Variants in ERBB3 observed in about 807,000 individuals in gnomAD.
ERBB3 encodes the protein erb-b2 receptor tyrosine kinase 3.
Under a neutral mutation model 156.7 loss-of-function variants are expected in ERBB3, and 96 were observed. That is an observed-to-expected ratio of 0.61 (90% CI 0.52 to 0.73). The LOEUF is 0.73. ERBB3 is among the 30% of genes least tolerant of loss of function. The pLI, the probability that ERBB3 is intolerant of heterozygous loss-of-function variation, is 0.00. For missense variants in ERBB3, 1,406 were observed against 1,709.4 expected, an observed-to-expected ratio of 0.82 and a Z score of 3.13; for synonymous variants, 567 against 632.0, an observed-to-expected ratio of 0.90 and a Z score of 1.54.
chr12:56,084,358 C>A (rs796751254), intron 2 of ERBB3, among the ~76,000 whole-genome samples: 15 of 152,294 alleles, frequency 9.8e-5, no homozygotes, highest in African/African-American at 3.4e-4. Context: ...TGCCTGTAAT[C>A]CCAGCACTTT....
At chr12:56,097,593 A>G (rs1175299351) in intron 20 of ERBB3, among the ~76,000 whole-genome samples, 192 bp from the exon 21 acceptor site, 2 of 152,102 alleles carry the variant, frequency 1.3e-5, no homozygotes, top group Admixed American at 6.5e-5. Flanking sequence ...TGATGATCTG[A>G]GGTGGAAAAA....
chr12:56,090,263 G>T (rs1018846212), intron 9 of ERBB3, among the ~76,000 whole-genome samples: 1 of 151,732 alleles, frequency 6.6e-6, no homozygotes, highest in African/African-American at 2.4e-5. Flanking sequence ...GCTTCCCAAA[G>T]TGTTGGGATT....
chr12:56,100,531 A>G (rs1869054208), intron 26 of ERBB3, among the ~76,000 whole-genome samples: 1 of 151,632 alleles, frequency 6.6e-6, no homozygotes, highest in Non-Finnish European at 1.5e-5. Flanking sequence ...AATCACAGCT[A>G]CTCAGGAGGC....
chr12:56,086,555 T>C lies in ERBB3; in HGVS notation c.446T>C (p.Ile149Thr), dbSNP rs748544096. 18 of 1,613,976 alleles carry C rather than the reference T, an allele frequency of 1.1e-5. No individual in the cohort carries two copies. The highest frequency in any genetic ancestry group is 1.4e-5 in the Non-Finnish European group (17 of 1,180,006). Residue 149 changes from isoleucine to threonine, a missense_variant, in exon 4 of 28, where the codon ATT (isoleucine) becomes ACT (threonine). This residue lies in a region of ERBB3 where 979 missense variants were observed against 1,219.6 expected (regional missense o/e 0.80). Transcript: ENST00000267101. ...LTEILSGGVYIEKNDKLCHMD... is the reference protein window; with the variant it reads ...LTEILSGGVYTEKNDKLCHMD... ...GAGATTCTGTCAGGGGGTGTTTATA[T>C]TGAGAAGAACGATAAGCTTTGTCAC...
Position 56,101,884 on chromosome 12 carries a change from G to GC in ERBB3, c.3859dup (p.Gln1287ProfsTer4), listed in dbSNP as rs1370045081. 1 of 1,613,586 alleles carries GC rather than the reference G, an allele frequency of 6.2e-7. No homozygotes were observed. Among genetic ancestry groups the GC allele is most frequent in the South Asian group, 1.1e-5 (1 of 91,044 alleles). On this transcript the variant is annotated frameshift_variant, in exon 28 of 28. Coordinates refer to ENST00000267101, the MANE Select transcript of ERBB3 (RefSeq NM_001982.4). LOFTEE classifies it high-confidence loss of function. ...CCATGGGGGCCTGCCCAGCATCTGAGCAAGGGTATGAAGAGATGAGAGCTT... is the reference window on the plus strand; with the variant it reads ...CCATGGGGGCCTGCCCAGCATCTGAGCCAAGGGTATGAAGAGATGAGAGCTT...
In ERBB3 at chr12:56,102,126, C is replaced by A; in HGVS notation, c.*71C>A. 1 of 1,351,292 alleles carries A rather than the reference C, an allele frequency of 7.4e-7. No individual in the cohort carries two copies. Among genetic ancestry groups the A allele is most frequent in the Non-Finnish European group, 1.0e-6 (1 of 954,390 alleles). The allele number at this position is 1,351,292 out of a possible 1,614,324, so 83.7% of individuals were successfully genotyped here. A position where few individuals can be genotyped will look rare whatever the true frequency, so the allele number is the denominator to read the frequency against. On this transcript the variant is annotated 3_prime_UTR_variant, in exon 28 of 28. Transcript: ENST00000267101. ...GCCTTTAGAGGGTACCGTCTTCTCC[C>A]TATTCCCTCTCTCTCCCAGGTCCCA...
At chr12:56,087,754 T>C (rs760209480) in intron 5 of ERBB3, 41 bp from the exon 6 acceptor site, 6 of 1,596,836 alleles carry the variant, frequency 3.8e-6, no homozygotes, top group Admixed American at 1.7e-5. Flanking sequence ...CAGAATTCAG[T>C]CCTAGGAGCC....
rs1354399673 is a variant in ERBB3, at chr12:56,098,564, T to C, written c.2681T>C (p.Val894Ala). ...GGGAAATACACACACCAGAGTGATGTCTGGAGCTATGGTCAGTGCATCTGG... is the reference window on the plus strand; with the variant it reads ...GGGAAATACACACACCAGAGTGATGCCTGGAGCTATGGTCAGTGCATCTGG... ...HFGKYTHQSDVWSYGVTVWEL... is the reference protein window; with the variant it reads ...HFGKYTHQSDAWSYGVTVWEL... Residue 894 changes from valine to alanine, a missense_variant, in exon 22 of 28, where the codon GTC (valine) becomes GCC (alanine). Around this residue, in one of 3 missense-constraint regions of ERBB3, gnomAD observed 979 missense variants for 1,219.6 expected, o/e 0.80. Transcript: ENST00000267101. 1 of 1,613,276 alleles carries C rather than the reference T, an allele frequency of 6.2e-7. No individual in the cohort carries two copies. The highest frequency in any genetic ancestry group is 2.2e-5 in the East Asian group (1 of 44,906).
rs78232207 is a variant in ERBB3, at chr12:56,094,224, A to G, written c.1704+35A>G. 7 of 1,562,408 alleles carry G rather than the reference A, an allele frequency of 4.5e-6. No homozygotes were observed. In the East Asian group the frequency reaches 1.3e-4, roughly 30 times the overall value. Reference sequence around the variant, plus strand: ...TAGCACCAGGATCTCCAAGGGAGACAGAGAAGGGGCAATACTTGGAGCATC... The same window carrying G: ...TAGCACCAGGATCTCCAAGGGAGACGGAGAAGGGGCAATACTTGGAGCATC... On this transcript the variant is annotated intron_variant, in intron 14 of 27. Transcript: ENST00000267101.
rs747424637 is a variant in ERBB3, at chr12:56,092,952, C to T, written c.1184-34C>T. ...CAGGAGAACCCAAGAAAGAAGAAGG[C>T]TCCCTGCCCATATGCCTCTCTCCAA... On this transcript the variant is annotated intron_variant, in intron 10 of 27. Coordinates refer to ENST00000267101, the MANE Select transcript of ERBB3 (RefSeq NM_001982.4). The T allele has an allele frequency of 3.8e-6, 6 of 1,583,084 alleles. No individual in the cohort carries two copies. The East Asian group carries it at 1.3e-4, about 35-fold the overall frequency.
In ERBB3 at chr12:56,097,760, A is replaced by G. The variant is rs566185593; in HGVS notation, c.2461-25A>G. On this transcript the variant is annotated intron_variant, in intron 20 of 27. Transcript: ENST00000267101. ...GTGACTGATTCCCCCAACCTTAAGA[A>G]TACTTTCTTCCCCTATACCTACAGG... The G allele has an allele frequency of 1.3e-4, 203 of 1,610,904 alleles. 6 individuals carry two copies. The South Asian group carries it at 2.0e-3, about 16-fold the overall frequency.
At position 56,088,903 on chromosome 12, in the gene ERBB3, C is replaced by T. The variant is rs761520381; in HGVS notation, c.1109+35C>T. On this transcript the variant is annotated intron_variant, in intron 9 of 27. Coordinates refer to ENST00000267101, the MANE Select transcript of ERBB3 (RefSeq NM_001982.4). ...CCTGCCTTCCCTCCTTAGACCCCAGCCCACGCACCCCTCACAGTTCATTTC... is the reference window on the plus strand; with the variant it reads ...CCTGCCTTCCCTCCTTAGACCCCAGTCCACGCACCCCTCACAGTTCATTTC... 6.2e-6 allele frequency: 10 copies of T among 1,613,316 alleles called. No individual in the cohort carries two copies. In the Admixed American group the frequency reaches 8.3e-5, roughly 13 times the overall value.
At position 56,101,124 on chromosome 12, in the gene ERBB3, C is replaced by T. The variant is rs551223118; in HGVS notation, c.3265C>T (p.Arg1089Trp). 56 of 1,613,894 alleles carry T rather than the reference C, an allele frequency of 3.5e-5. No individual in the cohort carries two copies. The South Asian group carries it at 3.5e-4, about 10-fold the overall frequency. The change falls in exon 27 of 28, where the codon CGG (arginine) becomes TGG (tryptophan). Residue 1089 changes from arginine (R) to tryptophan (W), a missense_variant. Arg to Trp is a moderately radical substitution (Grantham distance 101). Transcript: ENST00000267101. ...TCCAGTCTCTCTACACCCAATGCCACGGGGATGCCTGGCATCAGAGTCATC... is the reference window on the plus strand; with the variant it reads ...TCCAGTCTCTCTACACCCAATGCCATGGGGATGCCTGGCATCAGAGTCATC... ...PRPVSLHPMP[R>W]GCLASESSEG...
At position 56,101,823 on chromosome 12, in the gene ERBB3, A is replaced by G; in HGVS notation, c.3797A>G (p.Gln1266Arg). 3 of 1,612,726 alleles carry G rather than the reference A, an allele frequency of 1.9e-6. No homozygotes were observed. The highest frequency in any genetic ancestry group is 2.5e-6 in the Non-Finnish European group (3 of 1,179,740). The change falls in exon 28 of 28, where the codon CAA becomes CGA. Residue 1266 changes from glutamine (Q) to arginine (R), a missense_variant. By Grantham distance (43) the Gln-to-Arg change is conservative. Transcript: ENST00000267101. ...GAAGACTATGAATATATGAATCGGC[A>G]ACGAGATGGAGGTGGTCCTGGGGGT... The part of the protein sequence containing the change: ...PDEDYEYMNR[Q>R]RDGGGPGGDY...
At chr12:56,086,267 G>A (rs1004142008) in intron 3 of ERBB3, among the ~76,000 whole-genome samples, 1 of 152,118 alleles carries the variant, frequency 6.6e-6, no homozygotes, top group African/African-American at 2.4e-5. Context: ...GGAATGTTGA[G>A]TCAGAAATCT....
At chr12:56,081,994 C>G (rs1377349600) in intron 1 of ERBB3, among the ~76,000 whole-genome samples, 1 of 152,122 alleles carries the variant, frequency 6.6e-6, no homozygotes, top group Non-Finnish European at 1.5e-5. Flanking sequence ...GTTTGTGCTC[C>G]CTTCCTGCCC....
At position 56,084,898 on chromosome 12, in the gene ERBB3, A is replaced by G. The variant is rs73338402; in HGVS notation, c.235-97A>G. ...AAAGGAAAGAAAGAAGGAAGAATTA[A>G]AACAGTTAAAGAGTCTTTAATGCCT... On this transcript the variant is annotated intron_variant, in intron 2 of 27. Coordinates refer to ENST00000267101, the MANE Select transcript of ERBB3 (RefSeq NM_001982.4). The G allele has an allele frequency of 4.0e-3, 6,271 of 1,579,672 alleles. 216 individuals carry two copies. In the African/African-American group the frequency reaches 0.075, roughly 19 times the overall value.
chr12:56,097,965 G>T lies in ERBB3; in HGVS notation c.2616+25G>T, dbSNP rs770327755. 1.5e-5 allele frequency: 24 copies of T among 1,611,294 alleles called. 3 individuals are homozygous for T. The South Asian group carries it at 2.2e-4, about 15-fold the overall frequency. The stretch of plus-strand genomic sequence containing the variant: ...GGTGAGGAGACACAAAGGGTAAGGA[G>T]GCGGGGGTGGAGTGAAGCATGGGGA... On this transcript the variant is annotated intron_variant, in intron 21 of 27. Transcript: ENST00000267101.
intron 4 of ERBB3, among the ~76,000 whole-genome samples, chr12:56,087,320 G>C (rs1290839876): frequency 2.0e-5 from 3 of 152,188 alleles, no homozygotes; most frequent in Non-Finnish European, 4.4e-5. Context: ...TTCCTGGGTT[G>C]GGACTAGGAC....
Sources: gnomAD v4.1 joint callset for allele counts (sites outside exome capture counted in the v4.1 genomes callset) on GRCh38, gnomAD v4.1.1 for gene constraint, gnomAD v4.1.1 regional missense constraint, MANE v1.5 for transcripts, NCBI Gene and HGNC (gene_info 2026-07-23, HGNC 2026-07-21) for gene names.